The following EZR variants were observed in gnomAD, a reference collection of about 807,000 sequenced individuals.
EZR encodes the protein ezrin.
EZR carries 40 observed loss-of-function variants against 74.8 expected under a neutral mutation model. The ratio of observed to expected loss-of-function variants is 0.53; its 90% CI spans 0.42 to 0.70. The LOEUF is 0.70. Ranked by LOEUF, EZR falls within the 30% of genes least tolerant of loss-of-function variation. The pLI is 0.00. For missense variants in EZR, 678 were observed against 755.8 expected, an observed-to-expected ratio of 0.90 and a Z score of 1.21; for synonymous variants, 341 against 283.3, an observed-to-expected ratio of 1.20 and a Z score of -2.05.
At chr6:158,804,111 C>A (rs1259780036) in intron 2 of EZR, among the ~76,000 whole-genome samples, 1 of 152,078 alleles carries the variant, frequency 6.6e-6, no homozygotes, top group Non-Finnish European at 1.5e-5. Flanking sequence ...CTGCTGATGG[C>A]GTATGAAAAT....
At chr6:158,800,585 G>A (rs769553855) in intron 2 of EZR, among the ~76,000 whole-genome samples, 46 of 152,182 alleles carry the variant, frequency 3.0e-4, no homozygotes, top group Admixed American at 5.2e-4. Context: ...TGGATCACTT[G>A]AGACCAGCAG....
rs1194087023 is a variant in EZR, at chr6:158,818,190, G to A, written c.-73-24C>T. On this transcript the variant is annotated intron_variant, in intron 1 of 13. Coordinates refer to ENST00000367075, the MANE Select transcript of EZR (RefSeq NM_001111077.2). ...ACCTGGAGTCAGAGCAGAACCCTTA[G>A]AGCGCCCGCCCGCCCTGCCTCGTCC... The A allele has an allele frequency of 1.2e-5, 17 of 1,372,228 alleles. No homozygotes were observed. The Admixed American group carries it at 3.1e-4, about 25-fold the overall frequency. The allele number at this position is 1,372,228 out of a possible 1,614,324, so 85.0% of individuals were successfully genotyped here. A position where few individuals can be genotyped will look rare whatever the true frequency, so the allele number is the denominator to read the frequency against.
At chr6:158,776,385 G>C (rs761275152) in intron 8 of EZR, 23 bp downstream of exon 8, 1 of 1,576,260 alleles carries the variant, frequency 6.3e-7, no homozygotes, top group South Asian at 1.1e-5. Context: ...AGTAGCCCCT[G>C]AATAGAATCC....
intron 4 of EZR, among the ~76,000 whole-genome samples, chr6:158,786,125 G>A (rs956552963): frequency 1.3e-5 from 2 of 151,998 alleles, no homozygotes; most frequent in South Asian, 2.1e-4. Context: ...TGTAATCCCA[G>A]CACTTTGGGA....
At chr6:158,814,993 G>A (rs907850958) in intron 2 of EZR, among the ~76,000 whole-genome samples, 2 of 152,118 alleles carry the variant, frequency 1.3e-5, no homozygotes, top group African/African-American at 2.4e-5. Flanking sequence ...TGAATTCAAG[G>A]GTTAACAGTT....
chr6:158,803,562 T>TAAAAA (rs1562504396), intron 2 of EZR, among the ~76,000 whole-genome samples: 1 of 7,078 alleles, frequency 1.4e-4, no homozygotes, highest in Non-Finnish European at 4.3e-4. Context: ...TATATATATA[T>TAAAAA]ATATATATAT....
At chr6:158,779,447 TTCTTA>T (rs771339684) in intron 7 of EZR, among the ~76,000 whole-genome samples, 10 of 152,324 alleles carry the variant, frequency 6.6e-5, no homozygotes, top group Non-Finnish European at 1.3e-4. Flanking sequence ...AATGTTAATT[TTCTTA>T]TCTTGGTATT....
At position 158,767,255 on chromosome 6, in the gene EZR, C is replaced by T. The variant is rs1242046999; in HGVS notation, c.1596+6G>A. 6.2e-7 allele frequency: 1 copy of T among 1,609,548 alleles called. No homozygotes were observed. The highest frequency in any genetic ancestry group is 8.5e-7 in the Non-Finnish European group (1 of 1,177,054). ...CTCCCTGGAGACAGAGCCCCTTGGG[C>T]CTCACCAGCAGCTGCCGCTGCACAC... On this transcript the variant is annotated splice_donor_region_variant and intron_variant, in intron 13 of 13. Coordinates refer to ENST00000367075, the MANE Select transcript of EZR (RefSeq NM_001111077.2).
chr6:158,781,590 C>G (rs1051313182), intron 7 of EZR, among the ~76,000 whole-genome samples: 1 of 152,218 alleles, frequency 6.6e-6, no homozygotes, highest in Non-Finnish European at 1.5e-5. Context: ...GGCCTGGCCA[C>G]GTTACAAAAT....
At chr6:158,801,303 C>T (rs1026268004) in intron 2 of EZR, among the ~76,000 whole-genome samples, 23 of 152,160 alleles carry the variant, frequency 1.5e-4, no homozygotes, top group Admixed American at 1.4e-3. Context: ...TTGGTAGAGA[C>T]GGGGTTTCAC....
chr6:158,768,705 G>A (rs1389621627), intron 12 of EZR, among the ~76,000 whole-genome samples: 1 of 152,208 alleles, frequency 6.6e-6, no homozygotes, highest in Non-Finnish European at 1.5e-5. Flanking sequence ...AGCTACAGCT[G>A]ACTAAACCTC....
At chr6:158,781,774 T>A (rs975428591) in intron 7 of EZR, among the ~76,000 whole-genome samples, 4 of 151,806 alleles carry the variant, frequency 2.6e-5, no homozygotes, top group Non-Finnish European at 4.4e-5. Context: ...TTCTTTAAAA[T>A]TTTTTTTGAG....
chr6:158,767,127 C>G (rs774753494), intron 13 of EZR, 49 bp from the exon 14 acceptor site: 2 of 1,603,804 alleles, frequency 1.2e-6, no homozygotes, highest in Admixed American at 1.7e-5. Flanking sequence ...CCATATGGCC[C>G]GGCCCGTCCC....
At chr6:158,806,262 C>T (rs1290616958) in intron 2 of EZR, among the ~76,000 whole-genome samples, 3 of 152,190 alleles carry the variant, frequency 2.0e-5, no homozygotes, top group Admixed American at 6.5e-5. Context: ...GACCTGCCCT[C>T]GCCCTGAGAT....
intron 2 of EZR, among the ~76,000 whole-genome samples, chr6:158,812,677 T>A (rs868289606): frequency 6.6e-6 from 1 of 152,176 alleles, no homozygotes; most frequent in Non-Finnish European, 1.5e-5. Flanking sequence ...AGGCAAGGAC[T>A]TTTTTCATCA....
chr6:158,799,553 AT>A (rs1176626930), intron 2 of EZR, among the ~76,000 whole-genome samples: 6 of 152,256 alleles, frequency 3.9e-5, no homozygotes, highest in Non-Finnish European at 5.9e-5. Flanking sequence ...ACATATTTTA[AT>A]AGTCTCTCTG....
intron 2 of EZR, among the ~76,000 whole-genome samples, chr6:158,797,054 GTAAA>G (rs1268362984): frequency 6.6e-6 from 1 of 152,064 alleles, no homozygotes; most frequent in Non-Finnish European, 1.5e-5. Flanking sequence ...CCTCATTTTG[GTAAA>G]TAAATATAGG....
At chr6:158,816,154 G>A (rs1777548831) in intron 2 of EZR, among the ~76,000 whole-genome samples, 1 of 152,158 alleles carries the variant, frequency 6.6e-6, no homozygotes, top group South Asian at 2.1e-4. Flanking sequence ...GTAGAATGGT[G>A]GTTGCCAAGG....
intron 2 of EZR, among the ~76,000 whole-genome samples, chr6:158,793,127 C>T (rs1791786851): frequency 6.6e-6 from 1 of 150,426 alleles, no homozygotes. Flanking sequence ...TTGAGACCAG[C>T]CTGGGCAACA....
Sources: gnomAD v4.1 joint callset for allele counts (sites outside exome capture counted in the v4.1 genomes callset) on GRCh38, gnomAD v4.1.1 for gene constraint, MANE v1.5 for transcripts, NCBI Gene and HGNC (gene_info 2026-07-23, HGNC 2026-07-21) for gene names.